The following PDE4D variants were observed in gnomAD, a reference collection of about 807,000 sequenced individuals.
The protein encoded by PDE4D is phosphodiesterase 4D.
In PDE4D, 24 loss-of-function variants were observed where a neutral mutation model predicts 87.4. The ratio of observed to expected loss-of-function variants is 0.27; its 90% CI spans 0.20 to 0.39. The LOEUF (loss-of-function observed/expected upper bound fraction) is 0.39, where lower values mean the gene tolerates loss of function less well. Among genes scored for constraint, PDE4D ranks in the 10% least tolerant of loss-of-function variants. The probability of loss-of-function intolerance (pLI) is 1.00; values close to 1 mark genes in which losing one functional copy is unlikely to be tolerated. For synonymous variants in PDE4D, 384 were observed against 383.2 expected (o/e 1.00, Z -0.02); for missense variants, 714 against 1,041.0 (o/e 0.69, Z 4.32).
chr5:60,439,610 T>A (rs980063759), intron 1 of PDE4D, among the ~76,000 whole-genome samples: 4 of 152,184 alleles, frequency 2.6e-5, no homozygotes, highest in Non-Finnish European at 5.9e-5. Flanking sequence ...TCCATGTAGA[T>A]GTTTGAGTGA....
chr5:59,233,125 T>C (rs1755615792), intron 1 of PDE4D, among the ~76,000 whole-genome samples: 1 of 152,100 alleles, frequency 6.6e-6, no homozygotes, highest in Non-Finnish European at 1.5e-5. Flanking sequence ...GAGATTATAG[T>C]TAAGAATAAT....
At chr5:58,999,463 G>A (rs1429357556) in intron 6 of PDE4D, 1 of 1,237,254 alleles carries the variant, frequency 8.1e-7, no homozygotes, top group South Asian at 1.3e-5. Flanking sequence ...AGAGTAAGGA[G>A]TTTTCAAAAG....
chr5:59,437,022 T>C (rs1796890374), intron 1 of PDE4D, among the ~76,000 whole-genome samples: 1 of 152,190 alleles, frequency 6.6e-6, no homozygotes, highest in Admixed American at 6.5e-5. Context: ...CCGGAAATTA[T>C]GCTGGTTTCA....
chr5:60,259,314 T>C (rs748220052), intron 1 of PDE4D, among the ~76,000 whole-genome samples: 1 of 152,114 alleles, frequency 6.6e-6, no homozygotes, highest in Non-Finnish European at 1.5e-5. Flanking sequence ...AGTGGCATTG[T>C]ACAAGGTGAA....
intron 2 of PDE4D, among the ~76,000 whole-genome samples, chr5:60,105,255 G>C (rs1164938281): frequency 6.6e-6 from 1 of 152,124 alleles, no homozygotes; most frequent in South Asian, 2.1e-4. Context: ...TGGAAGAAAG[G>C]GTATCAGTGA....
intron 1 of PDE4D, among the ~76,000 whole-genome samples, chr5:60,269,323 C>T (rs1750577858): frequency 6.6e-6 from 1 of 152,146 alleles, no homozygotes; most frequent in Non-Finnish European, 1.5e-5. Flanking sequence ...ATACAAAAAA[C>T]AACATAAATG....
intron 1 of PDE4D, among the ~76,000 whole-genome samples, chr5:59,581,968 G>C (rs544301620): frequency 6.6e-6 from 1 of 152,090 alleles, no homozygotes; most frequent in Admixed American, 6.6e-5. Context: ...ATTTGTGAAC[G>C]AGATGAGTTT....
At chr5:60,006,973 T>C (rs1242830487) in intron 2 of PDE4D, among the ~76,000 whole-genome samples, 1 of 151,978 alleles carries the variant, frequency 6.6e-6, no homozygotes, top group Non-Finnish European at 1.5e-5. Context: ...AGAACTCAAA[T>C]TCAGGGCTTT....
chr5:59,470,271 T>C (rs561918061), intron 1 of PDE4D, among the ~76,000 whole-genome samples: 6 of 152,120 alleles, frequency 3.9e-5, no homozygotes, highest in South Asian at 4.1e-4. Flanking sequence ...TATTTAATTC[T>C]GCCTCACCAA....
At chr5:60,501,721 T>C (rs1258412525) in intron 1 of PDE4D, among the ~76,000 whole-genome samples, 2 of 152,082 alleles carry the variant, frequency 1.3e-5, no homozygotes, top group Non-Finnish European at 2.9e-5. Context: ...TATCTCATTG[T>C]GGTTTTGATT....
At chr5:60,322,685 T>C (rs954641319) in intron 1 of PDE4D, among the ~76,000 whole-genome samples, 22 of 152,180 alleles carry the variant, frequency 1.4e-4, no homozygotes, top group African/African-American at 5.3e-4. Context: ...CAATTAAGTC[T>C]TTACCAATGG....
intron 1 of PDE4D, among the ~76,000 whole-genome samples, chr5:59,255,223 C>T (rs1288128240): frequency 2.6e-5 from 4 of 152,012 alleles, no homozygotes; most frequent in South Asian, 2.1e-4. Context: ...GAATATTATT[C>T]GGTCCTAAAA....
At position 60,067,496 on chromosome 5, in the gene PDE4D, T is replaced by C. The variant is rs534897548; in HGVS notation, c.43-78779A>G. 6.6e-5 allele frequency among the ~76,000 whole-genome samples: 10 copies of C among 152,238 alleles called. No homozygotes were observed. The East Asian group carries it at 7.7e-4, about 12-fold the overall frequency. ...CATGCCCCAAATTTAGAAATTCTAA[T>C]TGAGTTTAAGAAAAGAAAGGAAAAT... On this transcript the variant is annotated intron_variant, in intron 2 of 16. Coordinates refer to the PDE4D transcript ENST00000502484.
intron 1 of PDE4D, among the ~76,000 whole-genome samples, chr5:59,876,265 C>T (rs967034176): frequency 3.9e-5 from 6 of 152,112 alleles, no homozygotes; most frequent in Non-Finnish European, 7.4e-5. Flanking sequence ...TACCAAGCCT[C>T]ACAAATTAAT....
chr5:59,509,203 T>C (rs1382210612), intron 1 of PDE4D, among the ~76,000 whole-genome samples: 1 of 151,906 alleles, frequency 6.6e-6, no homozygotes, highest in Admixed American at 6.6e-5. Context: ...CTGGTCAGAC[T>C]GAAAAGTGAT....
intron 1 of PDE4D, among the ~76,000 whole-genome samples, chr5:59,540,026 G>T (rs1228013038): frequency 5.9e-5 from 9 of 152,136 alleles, no homozygotes; most frequent in Non-Finnish European, 1.3e-4. Flanking sequence ...AATGCAGGTT[G>T]CTGGACTGCT....
chr5:59,358,471 C>T (rs1435375600), intron 1 of PDE4D, among the ~76,000 whole-genome samples: 3 of 152,194 alleles, frequency 2.0e-5, no homozygotes, highest in Non-Finnish European at 4.4e-5. Flanking sequence ...TGAAAAGGTG[C>T]TTACACTGAT....
intron 5 of PDE4D, among the ~76,000 whole-genome samples, chr5:59,140,205 G>T (rs967750329): frequency 1.3e-5 from 2 of 152,222 alleles, no homozygotes; most frequent in African/African-American, 4.8e-5. Context: ...CAGAGATGCT[G>T]GGAGCAGATT....
chr5:59,134,711 G>A (rs941384541), intron 5 of PDE4D, among the ~76,000 whole-genome samples: 3 of 152,058 alleles, frequency 2.0e-5, no homozygotes, highest in African/African-American at 7.2e-5. Flanking sequence ...TTTCCAACAG[G>A]GGACCCACAG....
Sources: gnomAD v4.1 joint callset for allele counts (sites outside exome capture counted in the v4.1 genomes callset) on GRCh38, gnomAD v4.1.1 for gene constraint, MANE v1.5 for transcripts, NCBI Gene and HGNC (gene_info 2026-07-23, HGNC 2026-07-21) for gene names.